Variants in FRMD6 observed in about 807,000 individuals in gnomAD.
FRMD6 encodes the protein FERM domain containing 6.
In FRMD6, 37 loss-of-function variants were observed where a neutral mutation model predicts 73.2. The ratio of observed to expected loss-of-function variants is 0.51; its 90% confidence interval spans 0.39 to 0.66. The LOEUF (loss-of-function observed/expected upper bound fraction) is 0.66. FRMD6 is among the 30% of genes least tolerant of loss of function. The probability of loss-of-function intolerance (pLI) is 0.00; values close to 1 mark genes in which losing one functional copy is unlikely to be tolerated. For missense variants in FRMD6, 714 were observed against 780.5 expected, an observed-to-expected ratio of 0.91 and a Z score of 1.02; for synonymous variants, 273 against 282.2, an observed-to-expected ratio of 0.97 and a Z score of 0.33.
chr14:51,513,453 T>C (rs1363199654), intron 1 of FRMD6, among the ~76,000 whole-genome samples: 1 of 152,208 alleles, frequency 6.6e-6, no homozygotes, highest in African/African-American at 2.4e-5. Context: ...GGCCGAGCCA[T>C]TGACAGCTAC....
intron 2 of FRMD6, among the ~76,000 whole-genome samples, chr14:51,617,652 T>C (rs1368920091): frequency 6.6e-6 from 1 of 152,158 alleles, no homozygotes; most frequent in Non-Finnish European, 1.5e-5. Context: ...GTAGGGTTGT[T>C]GAAGGGATTA....
At chr14:51,616,137 C>T (rs1405231396) in intron 2 of FRMD6, among the ~76,000 whole-genome samples, 1 of 152,058 alleles carries the variant, frequency 6.6e-6, no homozygotes, top group Non-Finnish European at 1.5e-5. Flanking sequence ...TGTAGAAAGG[C>T]GCATGAGAGG....
intron 1 of FRMD6, among the ~76,000 whole-genome samples, chr14:51,551,676 G>A (rs1037752419): frequency 1.2e-4 from 19 of 152,080 alleles, no homozygotes; most frequent in African/African-American, 4.6e-4. Context: ...GGTCAAGGCT[G>A]CAGTGAGCAG....
At chr14:51,671,745 G>C (rs770563375) in intron 1 of FRMD6, among the ~76,000 whole-genome samples, 1 of 152,178 alleles carries the variant, frequency 6.6e-6, no homozygotes, top group African/African-American at 2.4e-5. Context: ...TAACTTACTC[G>C]TTTTAAGAAG....
intron 10 of FRMD6, among the ~76,000 whole-genome samples, chr14:51,718,906 G>A (rs1182573146): frequency 3.3e-5 from 5 of 151,704 alleles, no homozygotes; most frequent in African/African-American, 7.3e-5. Context: ...TTATACTTCC[G>A]AGCTGGATTC....
the FRMD6 span, among the ~76,000 whole-genome samples, chr14:51,430,098 G>A: frequency 9.1e-3 from 1,390 of 152,300 alleles, 21 homozygotes; most frequent in African/African-American, 0.032. Context: ...ATTCAGTAGA[G>A]GCTTTGTGTT....
chr14:51,656,108 T>C (rs1213054596), intron 1 of FRMD6, among the ~76,000 whole-genome samples: 1 of 152,278 alleles, frequency 6.6e-6, no homozygotes, highest in African/African-American at 2.4e-5. Context: ...CAATCTGTGC[T>C]TCTCATTACT....
At chr14:51,478,175 C>G in the FRMD6 span, among the ~76,000 whole-genome samples, 112 of 152,328 alleles carry the variant, frequency 7.4e-4, no homozygotes, top group African/African-American at 2.6e-3. Flanking sequence ...GCCAGCATGT[C>G]TGTAAAACTG....
the FRMD6 span, among the ~76,000 whole-genome samples, chr14:51,454,201 G>A: frequency 6.6e-6 from 1 of 152,182 alleles, no homozygotes; most frequent in Non-Finnish European, 1.5e-5. Context: ...AACTAGGAGC[G>A]GAGCCACGTA....
At chr14:51,622,990 G>A (rs578243713) in intron 2 of FRMD6, among the ~76,000 whole-genome samples, 2 of 152,126 alleles carry the variant, frequency 1.3e-5, no homozygotes, top group African/African-American at 2.4e-5. Context: ...GACTGGTCTC[G>A]AACTCCTAGG....
the FRMD6 span, among the ~76,000 whole-genome samples, chr14:51,464,998 T>C: frequency 2.0e-5 from 3 of 152,130 alleles, no homozygotes; most frequent in Non-Finnish European, 2.9e-5. Context: ...GCTCATTCCC[T>C]GCCACATATA....
At position 51,702,591 on chromosome 14, in the gene FRMD6, A is replaced by G. The variant is rs1005866102; in HGVS notation, c.371+3A>G. On this transcript the variant is annotated splice_donor_region_variant and intron_variant, in intron 5 of 13. Transcript: ENST00000344768. ...GTGGAAAATGGCAGATTGATCAGGT[A>G]AGAGGACAGGGGGTGATTCTAAACG... 16 of 1,610,482 alleles carry G rather than the reference A, an allele frequency of 9.9e-6. No homozygotes were observed. The highest frequency in any genetic ancestry group is 1.2e-5 in the Non-Finnish European group (14 of 1,177,500).
intron 1 of FRMD6, among the ~76,000 whole-genome samples, chr14:51,559,062 C>T (rs1887323705): frequency 6.6e-6 from 1 of 152,154 alleles, no homozygotes; most frequent in Non-Finnish European, 1.5e-5. Flanking sequence ...CACACTGAAA[C>T]ATTTTGTTGC....
At chr14:51,488,408 A>G (rs1371847550), upstream of FRMD6, among the ~76,000 whole-genome samples, 1 of 152,194 alleles carries the variant, frequency 6.6e-6, no homozygotes, top group Non-Finnish European at 1.5e-5. Flanking sequence ...TTCCAGCCCA[A>G]TCCTTTCATT....
the FRMD6 span, among the ~76,000 whole-genome samples, chr14:51,419,454 T>C: frequency 6.6e-6 from 1 of 152,184 alleles, no homozygotes; most frequent in African/African-American, 2.4e-5. Context: ...GCTGCCATGG[T>C]CAAATTTTAA....
At chr14:51,596,897 C>T (rs1180660924) in intron 2 of FRMD6, among the ~76,000 whole-genome samples, 1 of 152,206 alleles carries the variant, frequency 6.6e-6, no homozygotes, top group African/African-American at 2.4e-5. Flanking sequence ...TACGTGGGGT[C>T]CTCAGATCTG....
intron 1 of FRMD6, among the ~76,000 whole-genome samples, chr14:51,662,263 T>C (rs1230179753): frequency 6.6e-6 from 1 of 152,098 alleles, no homozygotes; most frequent in African/African-American, 2.4e-5. Context: ...GAATGGAAGT[T>C]TACTATTGAC....
At chr14:51,411,808 C>T in the FRMD6 span, among the ~76,000 whole-genome samples, 1 of 152,116 alleles carries the variant, frequency 6.6e-6, no homozygotes, top group Admixed American at 6.5e-5. Context: ...AATTTCATAA[C>T]AATATGATTA....
At chr14:51,655,213 G>GT in intron 1 of FRMD6, among the ~76,000 whole-genome samples, 2 of 152,234 alleles carry the variant, frequency 1.3e-5, no homozygotes, top group East Asian at 3.9e-4. Flanking sequence ...AAGTCAGTAT[G>GT]TTTTTAAACG....
Sources: allele counts gnomAD v4.1 joint callset (sites outside exome capture counted in the v4.1 genomes callset), GRCh38; gene constraint gnomAD v4.1.1; transcripts MANE v1.5; gene names NCBI Gene and HGNC (gene_info 2026-07-23, HGNC 2026-07-21).